Variants in CCDC142 observed in about 807,000 individuals in gnomAD.
CCDC142 encodes coiled-coil domain-containing protein 142.
A neutral mutation model predicts 83.8 loss-of-function variants in CCDC142; 67 were observed. That is an observed-to-expected ratio of 0.80 (90% CI 0.66 to 0.98). CCDC142 has a LOEUF of 0.98. CCDC142 is among the 50% of genes least tolerant of loss of function. CCDC142 has a pLI of 0.00. For missense variants in CCDC142, 905 were observed against 946.8 expected, an observed-to-expected ratio of 0.96 and a Z score of 0.58; for synonymous variants, 421 against 421.2, an observed-to-expected ratio of 1.00 and a Z score of 0.01.
At position 74,474,398 on chromosome 2, in the gene CCDC142, T is replaced by G. The variant is rs1165056934; in HGVS notation, c.*148A>C. 9.0e-7 allele frequency: 1 copy of G among 1,110,220 alleles called. No homozygotes were observed. The highest frequency in any genetic ancestry group is 1.6e-5 in the African/African-American group (1 of 63,344). 68.8% of individuals were successfully genotyped at this position (1,110,220 alleles called of 1,614,324 possible). A position where few individuals can be genotyped will look rare whatever the true frequency, so the allele number is the denominator to read the frequency against. On this transcript the variant is annotated 3_prime_UTR_variant, in exon 9 of 9. Transcript: ENST00000393965. ...CGCCCAGCCCCTAATCTTGGATTCTTAAGCCCAGGCTCTTTGTAGCTTATT... is the reference window on the plus strand; with the variant it reads ...CGCCCAGCCCCTAATCTTGGATTCTGAAGCCCAGGCTCTTTGTAGCTTATT...
In CCDC142 at chr2:74,481,456, G is replaced by T. The variant is rs1318374939; in HGVS notation, c.1104C>A (p.Asp368Glu). Residue 368 changes from aspartate (D) to glutamate (E), a missense_variant, in exon 2 of 9, where the codon GAC (aspartate) becomes GAA (glutamate). Transcript: ENST00000393965. ...CCAGTGCCCCTTCCTTCTCACCTTG[G>T]TCCCAGCTCCAGATAAGCGACTGAT... ...LLHQSLIWSW[D>E]QGFCQALGSA... The T allele has an allele frequency of 6.2e-7, 1 of 1,614,124 alleles. No individual in the cohort carries two copies. The highest frequency in any genetic ancestry group is 1.1e-5 in the South Asian group (1 of 91,076).
Position 74,480,950 on chromosome 2 carries a change from A to G in CCDC142, c.1389+6T>C. The stretch of plus-strand genomic sequence containing the variant: ...CTGCTCCCCTCCCTACTCCCCAGCC[A>G]CTCACAGGTAAGTCCTTTTGGATCA... On this transcript the variant is annotated splice_donor_region_variant and intron_variant, in intron 4 of 8. Transcript: ENST00000393965. 1 of 1,613,558 alleles carries G rather than the reference A, an allele frequency of 6.2e-7. No homozygotes were observed. Among genetic ancestry groups the G allele is most frequent in the South Asian group, 1.1e-5 (1 of 91,070 alleles).
chr2:74,477,752 T>C (rs576425734), intron 5 of CCDC142, among the ~76,000 whole-genome samples: 1 of 152,328 alleles, frequency 6.6e-6, no homozygotes, highest in Admixed American at 6.5e-5. Flanking sequence ...ATGATGAGCC[T>C]GCTCTGGGGC....
chr2:74,477,409 A>T (rs1281237216), intron 5 of CCDC142, among the ~76,000 whole-genome samples: 3 of 152,158 alleles, frequency 2.0e-5, no homozygotes, highest in Non-Finnish European at 4.4e-5. Context: ...TCTGCTCTTA[A>T]AATGTCACCC....
chr2:74,482,374 C>T lies in CCDC142; in HGVS notation c.464G>A (p.Arg155Gln), dbSNP rs1362997472. 5 of 1,582,100 alleles carry T rather than the reference C, an allele frequency of 3.2e-6. No individual in the cohort carries two copies. Among genetic ancestry groups the T allele is most frequent in the Non-Finnish European group, 4.3e-6 (5 of 1,165,452 alleles). Reference protein sequence around the residue: ...QLHPSQGAVLRIGPGETLEPL... With the variant: ...QLHPSQGAVLQIGPGETLEPL... ...CTCGAGAGTCTCCCCAGGGCCGATT[C>T]GCAGAACCGCCCCTTGGGAAGGGTG... The change falls in exon 1 of 9, where the codon CGA becomes CAA. Residue 155 changes from arginine (R) to glutamine (Q), a missense_variant. By Grantham distance (43) the Arg-to-Gln change is conservative. Transcript: ENST00000393965. The surrounding 1 kb of genome is among the most constrained non-coding windows in gnomAD (Gnocchi z 5.0).
At position 74,482,119 on chromosome 2, in the gene CCDC142, G is replaced by T; in HGVS notation, c.719C>A (p.Thr240Lys). ...TGCCACCTGGCAACCCCGCTCCCCC[G>T]TCAAGAGGCGGAGCACACGGGACGT... is the stretch of plus-strand genomic sequence containing the variant. ...FPTSRVLRLL[T>K]GERGCQVASR... The change falls in exon 1 of 9, where the codon ACG (threonine) becomes AAG (lysine). Residue 240 changes from threonine (T) to lysine (K), a missense_variant. Around this residue, in one of 3 missense-constraint regions of CCDC142, gnomAD observed 591 missense variants for 571.4 expected, o/e 1.03. Coordinates refer to ENST00000393965, the MANE Select transcript of CCDC142 (RefSeq NM_001365575.2). The surrounding 1 kb of genome is among the most constrained non-coding windows in gnomAD (Gnocchi z 5.0). 1 of 1,613,692 alleles carries T rather than the reference G, an allele frequency of 6.2e-7. No homozygotes were observed. Among genetic ancestry groups the T allele is most frequent in the South Asian group, 1.1e-5 (1 of 91,054 alleles).
chr2:74,481,669 C>A (rs1383236169), intron 1 of CCDC142, 131 bp from the exon 2 acceptor site: 2 of 1,372,808 alleles, frequency 1.5e-6, no homozygotes, highest in South Asian at 1.3e-5. Flanking sequence ...AAGACTTTGC[C>A]TTGAAAGCTC....
At chr2:74,475,169 C>T (rs1286396824) in intron 7 of CCDC142, 54 bp from the exon 8 acceptor site, 2 of 1,613,174 alleles carry the variant, frequency 1.2e-6, no homozygotes, top group Non-Finnish European at 1.7e-6. Flanking sequence ...TCCCACTTAT[C>T]CCCTTCCTTT....
chr2:74,481,208 AG>A lies in CCDC142; in HGVS notation c.1258+14del. 6.2e-7 allele frequency: 1 copy of A among 1,613,910 alleles called. No individual in the cohort carries two copies. Among genetic ancestry groups the A allele is most frequent in the Non-Finnish European group, 8.5e-7 (1 of 1,179,912 alleles). On this transcript the variant is annotated intron_variant, in intron 3 of 8. Transcript: ENST00000393965. ...TCAACTGCTCTGTGTCCCCAGCCCC[AG>A]CCCCTCGTCTCACCTGCAGGCTGGC... is the stretch of plus-strand genomic sequence containing the variant.
At position 74,475,038 on chromosome 2, in the gene CCDC142, G is replaced by C. The variant is rs369339091; in HGVS notation, c.1874C>G (p.Ser625Cys). The C allele has an allele frequency of 6.8e-6, 11 of 1,614,078 alleles. No homozygotes were observed. Among genetic ancestry groups the C allele is most frequent in the African/African-American group, 4.0e-5 (3 of 75,028 alleles). Residue 625 changes from serine (S) to cysteine (C), a missense_variant, in exon 8 of 9, where the codon TCC (serine) becomes TGC (cysteine). By Grantham distance (112) the Ser-to-Cys change is moderately radical (BLOSUM62 -1). Coordinates refer to ENST00000393965, the MANE Select transcript of CCDC142 (RefSeq NM_001365575.2). ...GAGCAGGGTCTGGCGGAGATCAGGG[G>C]ACAGGCTCCACTGCTCCTCTTCCAG... ...ELLEEEQWSL[S>C]PDLRQTLLML...
chr2:74,477,185 C>T (rs1221409587), intron 5 of CCDC142, among the ~76,000 whole-genome samples: 1 of 151,936 alleles, frequency 6.6e-6, no homozygotes, highest in Non-Finnish European at 1.5e-5. Flanking sequence ...GTTGCGCAAT[C>T]TCAGATCACT....
chr2:74,479,194 A>G (rs930240541), intron 5 of CCDC142, among the ~76,000 whole-genome samples: 1 of 146,060 alleles, frequency 6.8e-6, no homozygotes, highest in African/African-American at 2.5e-5. Context: ...CCCATCTTAG[A>G]AAAAAAAAAA....
chr2:74,481,430 C>T (rs761342375), intron 2 of CCDC142, 22 bp downstream of exon 2: 3 of 1,613,938 alleles, frequency 1.9e-6, no homozygotes, highest in African/African-American at 2.7e-5. Flanking sequence ...TTATGTCACC[C>T]CCAGTGCCCC....
Position 74,475,090 on chromosome 2 carries a change from G to C in CCDC142, c.1822C>G (p.Gln608Glu). 10 of 1,612,166 alleles carry C rather than the reference G, an allele frequency of 6.2e-6. No homozygotes were observed. The highest frequency in any genetic ancestry group is 8.5e-6 in the Non-Finnish European group (10 of 1,178,872). The change falls in exon 8 of 9, where the codon CAA (glutamine) becomes GAA (glutamate). Residue 608 changes from glutamine (Q) to glutamate (E), a missense_variant. Around this residue, in one of 3 missense-constraint regions of CCDC142, gnomAD observed 265 missense variants for 288.9 expected, o/e 0.92. Coordinates refer to ENST00000393965, the MANE Select transcript of CCDC142 (RefSeq NM_001365575.2). Reference sequence around the variant, plus strand: ...AACTCCCTGACCACTCCAAAGTCTTGTTTGAGCTGCAGCGCTCCCTGCAGG... The same window carrying C: ...AACTCCCTGACCACTCCAAAGTCTTCTTTGAGCTGCAGCGCTCCCTGCAGG... ...FSLQGALQLK[Q>E]DFGVVRELLE...
At chr2:74,480,323 G>A (rs540050630) in intron 5 of CCDC142, among the ~76,000 whole-genome samples, 78 of 152,184 alleles carry the variant, frequency 5.1e-4, no homozygotes, top group African/African-American at 1.8e-3. Flanking sequence ...GCATGGTGGC[G>A]CATGCCTGTA....
chr2:74,481,022 T>C lies in CCDC142; in HGVS notation c.1323A>G (p.Arg441=). The change falls in exon 4 of 9, where the codon AGA becomes AGG. Residue 441 remains arginine, a synonymous_variant. Coordinates refer to ENST00000393965, the MANE Select transcript of CCDC142 (RefSeq NM_001365575.2). ...LQTTLLWFLG[R]AQQYLAAWDP... The stretch of plus-strand genomic sequence containing the variant: ...CCCATGCTGCCAAGTACTGCTGAGC[T>C]CTGCCCAGGAACCAGAGCAAGGTGG... 1 of 1,614,068 alleles carries C rather than the reference T, an allele frequency of 6.2e-7. No individual in the cohort carries two copies. Among genetic ancestry groups the C allele is most frequent in the South Asian group, 1.1e-5 (1 of 91,078 alleles).
chr2:74,482,821 C>G lies in CCDC142; in HGVS notation c.17G>C (p.Arg6Pro). Reference protein sequence around the residue: MAQASRSGSLPPLVIV... With the variant: MAQASPSGSLPPLVIV... ...AACGAGTGGAGGCAGGCTACCTGAG[C>G]GAGACGCCTGGGCCATGGGGCGGCG... The change falls in exon 1 of 9, where the codon CGC (arginine) becomes CCC (proline). Residue 6 changes from arginine (R) to proline (P), a missense_variant. Physicochemically the swap from Arg to Pro is moderately radical, Grantham distance 103. This residue lies in a region of CCDC142 where 591 missense variants were observed against 571.4 expected (regional missense o/e 1.03). Transcript: ENST00000393965. This position sits in a 1 kb window ranked among gnomAD's most constrained non-coding sequence, Gnocchi z 5.0. 3 of 1,599,132 alleles carry G rather than the reference C, an allele frequency of 1.9e-6. No individual in the cohort carries two copies. Among genetic ancestry groups the G allele is most frequent in the Non-Finnish European group, 2.5e-6 (3 of 1,179,678 alleles).
chr2:74,481,892 T>C lies in CCDC142; in HGVS notation c.946A>G (p.Ser316Gly). The change falls in exon 1 of 9, where the codon AGT becomes GGT. Residue 316 changes from serine to glycine, a missense_variant. Around this residue, in one of 3 missense-constraint regions of CCDC142, gnomAD observed 591 missense variants for 571.4 expected, o/e 1.03. Transcript: ENST00000393965. ...WTLLWAACAQSLDLNLGPWRD... is the reference protein window; with the variant it reads ...WTLLWAACAQGLDLNLGPWRD... ...CAGGGTCCCAGATTTAGGTCCAGACTCTGAGCACAGGCTGCCCACAGCAGG... is the reference window on the plus strand; with the variant it reads ...CAGGGTCCCAGATTTAGGTCCAGACCCTGAGCACAGGCTGCCCACAGCAGG... 6.2e-7 allele frequency: 1 copy of C among 1,614,128 alleles called. No homozygotes were observed. Among genetic ancestry groups the C allele is most frequent in the South Asian group, 1.1e-5 (1 of 91,090 alleles).
Position 74,474,950 on chromosome 2 carries a change from GGGCAGGGGCTGCTGCAACAGACACA to G in CCDC142, c.1937_1961del (p.Leu646ProfsTer54). On this transcript the variant is annotated frameshift_variant, in exon 8 of 9. Coordinates refer to ENST00000393965, the MANE Select transcript of CCDC142 (RefSeq NM_001365575.2). LOFTEE classifies it high-confidence loss of function. The stretch of plus-strand genomic sequence containing the variant: ...GGGGCCTCCTGTGGACTTGAGACTT[GGGCAGGGGCTGCTGCAACAGACACA>G]GCAGGGCCCCATCCAGCTGCTGGAA... 1 of 1,605,660 alleles carries G rather than the reference GGGCAGGGGCTGCTGCAACAGACACA, an allele frequency of 6.2e-7. No individual in the cohort carries two copies.
Sources: allele counts gnomAD v4.1 joint callset (sites outside exome capture counted in the v4.1 genomes callset), GRCh38; gene constraint gnomAD v4.1.1; regional missense constraint gnomAD v4.1.1; non-coding constraint Gnocchi (gnomAD v3.1); transcripts MANE v1.5; gene names NCBI Gene and HGNC (gene_info 2026-07-23, HGNC 2026-07-21).